Variants in NLGN4X observed in about 807,000 individuals in gnomAD.
NLGN4X encodes the protein neuroligin 4 X-linked.
A neutral mutation model predicts 40.3 loss-of-function variants in NLGN4X; 3 were observed. The observed-to-expected ratio is 0.07, with a 90% CI of 0.03 to 0.19. The LOEUF is 0.19. NLGN4X is among the 10% of genes least tolerant of loss of function. The pLI is 1.00. For missense variants in NLGN4X, 382 were observed against 708.3 expected (o/e 0.54, Z 5.23); for synonymous variants, 270 against 306.8 (o/e 0.88, Z 1.25).
intron 3 of NLGN4X, among the ~76,000 whole-genome samples, chrX:5,949,873 C>T (rs1384874889): frequency 1.8e-5 from 2 of 111,456 alleles, no homozygotes; most frequent in Non-Finnish European, 3.8e-5. Flanking sequence ...CAACAGCCTA[C>T]GACAGATATA....
At chrX:5,951,346 G>C (rs747554106) in intron 3 of NLGN4X, among the ~76,000 whole-genome samples, 56 of 111,538 alleles carry the variant, frequency 5.0e-4, no homozygotes, top group Non-Finnish European at 2.6e-4. Context: ...TTGGTCAGAT[G>C]AACTAAAAAG....
intron 1 of NLGN4X, among the ~76,000 whole-genome samples, chrX:6,202,292 G>A (rs762460161): frequency 1.8e-5 from 2 of 109,562 alleles, no homozygotes; most frequent in South Asian, 8.1e-4. Context: ...GACACAAATA[G>A]GTCTTGGAAT....
At chrX:6,166,772 A>G (rs2040504409) in intron 1 of NLGN4X, among the ~76,000 whole-genome samples, 1 of 111,247 alleles carries the variant, frequency 9.0e-6, no homozygotes, top group Non-Finnish European at 1.9e-5. Context: ...CCTGAGCATA[A>G]GTACTTGAGA....
intron 3 of NLGN4X, among the ~76,000 whole-genome samples, chrX:6,002,728 G>A (rs55908742): frequency 0.31 from 34,374 of 110,416 alleles, 4,803 homozygotes; most frequent in East Asian, 0.6. Context: ...TTTCCCACTC[G>A]ACTGCTGCCT....
At chrX:6,058,005 G>C (rs1361638429) in intron 2 of NLGN4X, among the ~76,000 whole-genome samples, 1 of 111,102 alleles carries the variant, frequency 9.0e-6, no homozygotes, top group Non-Finnish European at 1.9e-5. Flanking sequence ...AACATATCCG[G>C]TACTGAAATA....
chrX:6,200,555 T>C (rs769341226), intron 1 of NLGN4X, among the ~76,000 whole-genome samples: 1 of 111,423 alleles, frequency 9.0e-6, no homozygotes, highest in East Asian at 2.8e-4. Flanking sequence ...AACAGTCCTT[T>C]GTAAAACATT....
At chrX:5,938,966 C>CGTGTGTGT (rs60927853) in intron 3 of NLGN4X, among the ~76,000 whole-genome samples, 5,103 of 101,870 alleles carry the variant, frequency 0.05, 237 homozygotes, top group African/African-American at 0.12. Flanking sequence ...TGTGTGTGTG[C>CGTGTGTGT]GTGTGTGTGT....
At chrX:6,120,188 C>T (rs540152528) in intron 2 of NLGN4X, among the ~76,000 whole-genome samples, 2 of 111,112 alleles carry the variant, frequency 1.8e-5, no homozygotes, top group African/African-American at 6.5e-5. Flanking sequence ...TGCCGCAACA[C>T]ATATGTATAC....
In NLGN4X at chrX:6,013,402, T is replaced by TAA. The variant is rs71977874; in HGVS notation, c.625+15876_625+15877dup. On this transcript the variant is annotated intron_variant, in intron 3 of 5. Transcript: ENST00000381095. ...ATTTTGAGAATCAGTTCACTCAAAC[T>TAA]AAAAAAAAAAAAAAATGAGTAAATA... is the stretch of plus-strand genomic sequence containing the variant. Among the ~76,000 whole-genome samples, 39 of 96,309 alleles carry TAA rather than the reference T, an allele frequency of 4.0e-4. 1 individual carries two copies. Among genetic ancestry groups the TAA allele is most frequent in the East Asian group, 3.6e-3 (11 of 3,046 alleles). The allele number at this position is 96,309 out of a possible 115,157, so 83.6% of individuals were successfully genotyped here. A position where few individuals can be genotyped will look rare whatever the true frequency, so the allele number is the denominator to read the frequency against.
intron 3 of NLGN4X, among the ~76,000 whole-genome samples, chrX:5,963,304 T>C (rs1407816507): frequency 9.0e-6 from 1 of 111,537 alleles, no homozygotes; most frequent in African/African-American, 3.3e-5. Context: ...AATATGCCAT[T>C]GCACAATGAA....
At chrX:6,016,241 G>C in intron 3 of NLGN4X, among the ~76,000 whole-genome samples, 1 of 111,973 alleles carries the variant, frequency 8.9e-6, no homozygotes, top group Non-Finnish European at 1.9e-5. Context: ...AAGACACGCA[G>C]AACAACCTCT....
At chrX:6,202,680 A>G (rs1923731177) in intron 1 of NLGN4X, among the ~76,000 whole-genome samples, 1 of 111,716 alleles carries the variant, frequency 9.0e-6, no homozygotes, top group Non-Finnish European at 1.9e-5. Context: ...TCAGGAAAAA[A>G]GAAAAATGCA....
intron 1 of NLGN4X, among the ~76,000 whole-genome samples, chrX:6,164,905 C>T (rs2040468668): frequency 9.0e-6 from 1 of 111,615 alleles, no homozygotes; most frequent in African/African-American, 3.3e-5. Flanking sequence ...GTGCTTCTGA[C>T]AGTGCAGAAT....
At chrX:5,894,755 AT>A (rs1166658222) in intron 5 of NLGN4X, among the ~76,000 whole-genome samples, 27 of 112,056 alleles carry the variant, frequency 2.4e-4, no homozygotes, top group Admixed American at 1.1e-3. Context: ...CATTTCTTCC[AT>A]TTTTTTTATG....
chrX:5,890,403 TAA>T lies in NLGN4X; in HGVS notation c.*2412_*2413del. The stretch of plus-strand genomic sequence containing the variant: ...TTTGATCATAATCCCCTGTAAAAGC[TAA>T]AGTTATTCACTTAACAGGAACTCTG... On this transcript the variant is annotated 3_prime_UTR_variant, in exon 6 of 6. Coordinates refer to ENST00000381095, the MANE Select transcript of NLGN4X (RefSeq NM_181332.3). 1 of 245,930 alleles carries T rather than the reference TAA, an allele frequency of 4.1e-6. No individual in the cohort carries two copies. The highest frequency in any genetic ancestry group is 4.5e-5 in the South Asian group (1 of 22,332). The allele number at this position is 245,930 out of a possible 1,213,427, so 20.3% of individuals were successfully genotyped here.
intron 2 of NLGN4X, among the ~76,000 whole-genome samples, chrX:6,116,681 C>T (rs1327704941): frequency 9.2e-6 from 1 of 108,313 alleles, no homozygotes; most frequent in Non-Finnish European, 1.9e-5. Context: ...AGGCATGCGC[C>T]ACCATGCCCG....
chrX:6,124,545 G>T (rs2039499868), intron 2 of NLGN4X, among the ~76,000 whole-genome samples: 1 of 111,317 alleles, frequency 9.0e-6, no homozygotes, highest in Non-Finnish European at 1.9e-5. Context: ...AGCTGGGCGT[G>T]GTGGTGTGCA....
At chrX:6,198,487 C>T (rs1375025895) in intron 1 of NLGN4X, among the ~76,000 whole-genome samples, 1 of 111,888 alleles carries the variant, frequency 8.9e-6, no homozygotes, top group Non-Finnish European at 1.9e-5. Flanking sequence ...GTTTGCTGAA[C>T]GTGGACCATG....
intron 3 of NLGN4X, among the ~76,000 whole-genome samples, chrX:5,988,217 A>G (rs184919519): frequency 3.6e-5 from 4 of 112,147 alleles, no homozygotes; most frequent in East Asian, 2.8e-4. Context: ...TGAAACTCCA[A>G]TAGGAACTGA....
Sources: allele counts gnomAD v4.1 joint callset (sites outside exome capture counted in the v4.1 genomes callset), GRCh38; gene constraint gnomAD v4.1.1; transcripts MANE v1.5; gene names NCBI Gene and HGNC (gene_info 2026-07-23, HGNC 2026-07-21).